The following DET1 variants were observed in gnomAD, a reference collection of about 807,000 sequenced individuals.
DET1 encodes DET1 homolog.
Under a neutral mutation model 43.7 loss-of-function variants are expected in DET1, and 22 were observed. The observed-to-expected ratio is 0.50, with a 90% CI of 0.36 to 0.72. DET1 has a LOEUF of 0.72. DET1 is among the 30% of genes least tolerant of loss of function. DET1 has a pLI of 0.00. For missense variants in DET1, 713 were observed against 713.3 expected (o/e 1.00, Z 0.00); for synonymous variants, 315 against 266.2 (o/e 1.18, Z -1.79).
intron 3 of DET1, among the ~76,000 whole-genome samples, chr15:88,518,311 C>T (rs1282422036): frequency 6.6e-6 from 1 of 152,056 alleles, no homozygotes; most frequent in East Asian, 1.9e-4. Context: ...AGGAATCACT[C>T]CTACATGCAG....
At chr15:88,521,928 A>C (rs12593276) in intron 3 of DET1, among the ~76,000 whole-genome samples, 104,025 of 150,072 alleles carry the variant, frequency 0.69, 36,314 homozygotes, top group South Asian at 0.8. Context: ...GCGCTGATAA[A>C]GGTTTAATTT....
chr15:88,538,544 A>C (rs1312570807), intron 1 of DET1, among the ~76,000 whole-genome samples: 2 of 152,114 alleles, frequency 1.3e-5, no homozygotes, highest in African/African-American at 2.4e-5. Context: ...CAGGGCTGAG[A>C]GAATTTTGAG....
chr15:88,534,029 C>G (rs114353628), intron 1 of DET1, among the ~76,000 whole-genome samples: 1 of 151,944 alleles, frequency 6.6e-6, no homozygotes, highest in African/African-American at 2.4e-5. Flanking sequence ...AAAAACTTCT[C>G]GAGATCAATT....
At chr15:88,545,534 T>A (rs546312994) in intron 1 of DET1, among the ~76,000 whole-genome samples, 1 of 152,336 alleles carries the variant, frequency 6.6e-6, no homozygotes, top group East Asian at 1.9e-4. Flanking sequence ...CTAACTACTT[T>A]AATCACTGGG....
In DET1 at chr15:88,516,917, C is replaced by T. The variant is rs777262557; in HGVS notation, c.1328G>A (p.Arg443Gln). Residue 443 changes from arginine to glutamine, a missense_variant, in exon 4 of 5, where the codon CGG becomes CAG. By Grantham distance (43) the Arg-to-Gln change is conservative (BLOSUM62 1). Coordinates refer to ENST00000268148, the MANE Select transcript of DET1 (RefSeq NM_001144074.3). The surrounding 1 kb of genome is among the most constrained non-coding windows in gnomAD (Gnocchi z 4.4). ...ACTGATGGGGAGCTGACCCAGCAGC[C>T]GGCGTACTGCCTCTGTGTGCCCTCC... ...KYGGHTEAVR[R>Q]LLGQLPISAQ... 6.2e-6 allele frequency: 10 copies of T among 1,608,896 alleles called. No individual in the cohort carries two copies. The highest frequency in any genetic ancestry group is 2.2e-5 in the South Asian group (2 of 89,974).
At chr15:88,520,793 T>G (rs1598323294) in intron 3 of DET1, among the ~76,000 whole-genome samples, 1 of 152,158 alleles carries the variant, frequency 6.6e-6, no homozygotes, top group Non-Finnish European at 1.5e-5. Context: ...ACTTGGTATG[T>G]GCCAGACACT....
intron 3 of DET1, among the ~76,000 whole-genome samples, chr15:88,521,336 G>A (rs2056484553): frequency 6.6e-6 from 1 of 152,178 alleles, no homozygotes; most frequent in Non-Finnish European, 1.5e-5. Flanking sequence ...AACTCTACTA[G>A]GAAAACTGGC....
chr15:88,522,300 C>T (rs140126945), intron 3 of DET1, among the ~76,000 whole-genome samples: 1 of 151,456 alleles, frequency 6.6e-6, no homozygotes, highest in Non-Finnish European at 1.5e-5. Context: ...GGGAATCTAT[C>T]CCATTATTTC....
In DET1 at chr15:88,531,605, G is replaced by T; in HGVS notation, c.101C>A (p.Thr34Asn). The change falls in exon 2 of 5, where the codon ACC becomes AAC. Residue 34 changes from threonine (T) to asparagine (N), a missense_variant. By Grantham distance (65) the Thr-to-Asn change is moderately conservative (BLOSUM62 0). Transcript: ENST00000268148. This position sits in a 1 kb window ranked among gnomAD's most constrained non-coding sequence, Gnocchi z 6.2. ...GAACACTCGGACTTGGTGCCAGTGG[G>T]TACCTGCCTTGCCTGAACTGATCCG... ...RRRISSGKAG[T>N]HWHQVRVFHQ... 4 of 1,614,014 alleles carry T rather than the reference G, an allele frequency of 2.5e-6. No homozygotes were observed. Among genetic ancestry groups the T allele is most frequent in the Non-Finnish European group, 3.4e-6 (4 of 1,179,892 alleles).
At chr15:88,540,684 C>T (rs958066750) in intron 1 of DET1, among the ~76,000 whole-genome samples, 1 of 144,704 alleles carries the variant, frequency 6.9e-6, no homozygotes, top group African/African-American at 2.7e-5. Context: ...TGACCTTAGC[C>T]CCAACCCCGT....
At chr15:88,521,684 T>C (rs1480632588) in intron 3 of DET1, among the ~76,000 whole-genome samples, 1 of 152,088 alleles carries the variant, frequency 6.6e-6, no homozygotes, top group East Asian at 1.9e-4. Flanking sequence ...AAATTGCAAA[T>C]CACCCTTTTC....
intron 3 of DET1, among the ~76,000 whole-genome samples, chr15:88,524,469 G>A (rs1468043986): frequency 6.6e-6 from 1 of 152,268 alleles, no homozygotes; most frequent in Non-Finnish European, 1.5e-5. Flanking sequence ...GTACCCAACA[G>A]CTCATTGAGA....
At chr15:88,525,357 T>A (rs1275623161) in intron 3 of DET1, among the ~76,000 whole-genome samples, 3 of 152,250 alleles carry the variant, frequency 2.0e-5, no homozygotes, top group Non-Finnish European at 4.4e-5. Flanking sequence ...GGTGGTACAG[T>A]AAAATTCTGA....
intron 1 of DET1, among the ~76,000 whole-genome samples, chr15:88,534,224 C>T (rs2056890433): frequency 2.0e-5 from 3 of 152,048 alleles, no homozygotes; most frequent in African/African-American, 7.2e-5. Context: ...AATCACAGGC[C>T]ATAAAAGTCA....
downstream of DET1, among the ~76,000 whole-genome samples, chr15:88,509,656 A>G (rs1220372226): frequency 6.6e-6 from 1 of 152,226 alleles, no homozygotes; most frequent in Non-Finnish European, 1.5e-5. Context: ...GGTGACAGCT[A>G]TGAAGATGCT....
chr15:88,529,441 T>C (rs538096142), intron 2 of DET1, among the ~76,000 whole-genome samples: 5 of 152,178 alleles, frequency 3.3e-5, no homozygotes, highest in Admixed American at 6.5e-5. Flanking sequence ...TCACCCATGA[T>C]TGCTCAATGG....
At chr15:88,506,518 T>G (rs1337577501) in intron 7 of DET1, among the ~76,000 whole-genome samples, 2 of 151,606 alleles carry the variant, frequency 1.3e-5, no homozygotes, top group Non-Finnish European at 2.9e-5. Context: ...CTGTGGAACA[T>G]CAAAATCACT....
chr15:88,515,652 A>C (rs2056326690), intron 4 of DET1, among the ~76,000 whole-genome samples: 1 of 151,974 alleles, frequency 6.6e-6, no homozygotes, highest in African/African-American at 2.4e-5. Context: ...TTTATAAGAC[A>C]ACAGGGATAC....
At chr15:88,515,538 T>G (rs1453465453) in intron 4 of DET1, among the ~76,000 whole-genome samples, 1 of 47,466 alleles carries the variant, frequency 2.1e-5, no homozygotes, top group African/African-American at 9.8e-5. Context: ...GACTCCGTCT[T>G]ATAAAAAAAA....
Sources: allele counts gnomAD v4.1 joint callset (sites outside exome capture counted in the v4.1 genomes callset), GRCh38; gene constraint gnomAD v4.1.1; non-coding constraint Gnocchi (gnomAD v3.1); transcripts MANE v1.5; gene names NCBI Gene and HGNC (gene_info 2026-07-23, HGNC 2026-07-21).